The following FGF12 variants were observed in gnomAD, a reference collection of about 807,000 sequenced individuals.
FGF12 encodes the protein fibroblast growth factor 12.
In FGF12, 14 loss-of-function variants were observed where a neutral mutation model predicts 23.6. The observed-to-expected ratio is 0.59, with a 90% CI of 0.39 to 0.93. The LOEUF (loss-of-function observed/expected upper bound fraction) is 0.93, where lower values mean the gene tolerates loss of function less well. Among genes scored for constraint, FGF12 ranks in the 40% least tolerant of loss-of-function variants. FGF12 has a pLI of 0.00. For missense variants in FGF12, 175 were observed against 217.8 expected, an observed-to-expected ratio of 0.80 and a Z score of 1.24; for synonymous variants, 62 against 77.3, an observed-to-expected ratio of 0.80 and a Z score of 1.04.
chr3:192,325,817 TG>T (rs1352784285), intron 4 of FGF12, among the ~76,000 whole-genome samples: 3 of 152,138 alleles, frequency 2.0e-5, no homozygotes, highest in African/African-American at 7.2e-5. Context: ...AAGAAAAACA[TG>T]GCAATATCAG....
intron 2 of FGF12, among the ~76,000 whole-genome samples, chr3:192,613,703 T>A (rs1440187575): frequency 2.6e-5 from 4 of 152,020 alleles, no homozygotes; most frequent in African/African-American, 9.6e-5. Context: ...CAAAGGTGAA[T>A]GATCCTAGGT....
chr3:192,388,298 T>C (rs1050891103), intron 2 of FGF12, among the ~76,000 whole-genome samples: 9 of 152,174 alleles, frequency 5.9e-5, no homozygotes, highest in African/African-American at 2.2e-4. Context: ...CATAAGTGTC[T>C]ATAAAAATAA....
intron 5 of FGF12, among the ~76,000 whole-genome samples, chr3:192,161,183 C>T (rs1714849156): frequency 1.3e-5 from 2 of 152,108 alleles, no homozygotes; most frequent in East Asian, 1.9e-4. Context: ...TGACCCCTAA[C>T]CACCACCACC....
At chr3:192,721,532 CAAATCAGGAAACCCAATATT>C (rs1445755941) in intron 2 of FGF12, among the ~76,000 whole-genome samples, 1 of 152,052 alleles carries the variant, frequency 6.6e-6, no homozygotes, top group Non-Finnish European at 1.5e-5. Context: ...AAATATGTGA[CAAATCAGGAAACCCAATATT>C]AAGAGATGCA....
chr3:192,651,755 T>C (rs1716221897), intron 2 of FGF12, among the ~76,000 whole-genome samples: 1 of 152,200 alleles, frequency 6.6e-6, no homozygotes, highest in African/African-American at 2.4e-5. Context: ...AAAACACTCA[T>C]GTGTAATGCC....
chr3:192,332,110 C>T (rs1717156247), intron 4 of FGF12, among the ~76,000 whole-genome samples: 1 of 152,030 alleles, frequency 6.6e-6, no homozygotes, highest in Non-Finnish European at 1.5e-5. Flanking sequence ...TAACGATTAG[C>T]TATAACATAA....
At chr3:192,285,713 A>G (rs1457197763) in intron 4 of FGF12, among the ~76,000 whole-genome samples, 1 of 152,066 alleles carries the variant, frequency 6.6e-6, no homozygotes, top group Non-Finnish European at 1.5e-5. Context: ...TTTTAGGTCA[A>G]ACTAAAATTA....
chr3:192,620,723 A>G (rs2108647444), intron 2 of FGF12, among the ~76,000 whole-genome samples: 1 of 152,240 alleles, frequency 6.6e-6, no homozygotes, highest in South Asian at 2.1e-4. Flanking sequence ...TAAGATCAAA[A>G]TGTCTGAACT....
At chr3:192,398,611 A>C (rs1158923174) in intron 2 of FGF12, among the ~76,000 whole-genome samples, 1 of 152,022 alleles carries the variant, frequency 6.6e-6, no homozygotes, top group Non-Finnish European at 1.5e-5. Flanking sequence ...CGAACTCCTA[A>C]CCTCAAGTGA....
chr3:192,601,876 CAAAA>C (rs1560165664), intron 2 of FGF12, among the ~76,000 whole-genome samples: 1 of 151,960 alleles, frequency 6.6e-6, no homozygotes, highest in African/African-American at 2.4e-5. Flanking sequence ...ATAAGGAAAA[CAAAA>C]GAAGTCTGTA....
intron 2 of FGF12, among the ~76,000 whole-genome samples, chr3:192,502,384 T>A (rs1485356968): frequency 2.0e-5 from 3 of 152,194 alleles, no homozygotes; most frequent in Non-Finnish European, 4.4e-5. Context: ...AACGTCTTAT[T>A]TTTCCTAAAA....
intron 2 of FGF12, among the ~76,000 whole-genome samples, chr3:192,697,527 G>C (rs1025351863): frequency 1.3e-5 from 2 of 152,174 alleles, no homozygotes; most frequent in African/African-American, 4.8e-5. Context: ...CAACCTGGCA[G>C]AAGGCTCAAA....
chr3:192,261,150 G>A (rs1712724430), intron 4 of FGF12, among the ~76,000 whole-genome samples: 1 of 152,120 alleles, frequency 6.6e-6, no homozygotes, highest in African/African-American at 2.4e-5. Flanking sequence ...GGAACTGCAG[G>A]TGAGAGAATC....
At chr3:192,236,218 GA>G (rs1278340953) in intron 4 of FGF12, among the ~76,000 whole-genome samples, 1 of 138,060 alleles carries the variant, frequency 7.2e-6, no homozygotes, top group African/African-American at 2.8e-5. Context: ...TGTGTTCTGA[GA>G]GTGTAGCTTG....
chr3:192,274,375 C>G lies in FGF12; in HGVS notation c.228+60986G>C, dbSNP rs73887269. Reference sequence around the variant, plus strand: ...AGTAAGCCATACCAAAAATAAATAACAGAGAAAGTACTTCAAAAATTCCAT... The same window carrying G: ...AGTAAGCCATACCAAAAATAAATAAGAGAGAAAGTACTTCAAAAATTCCAT... On this transcript the variant is annotated intron_variant, in intron 4 of 5. Transcript: ENST00000445105. Among the ~76,000 whole-genome samples, 332 of 152,150 alleles carry G rather than the reference C, an allele frequency of 2.2e-3. 2 individuals carry two copies. Among genetic ancestry groups the G allele is most frequent in the African/African-American group, 5.4e-3 (226 of 41,508 alleles).
intron 2 of FGF12, among the ~76,000 whole-genome samples, chr3:192,469,874 T>C (rs1723120267): frequency 1.3e-5 from 2 of 152,192 alleles, no homozygotes; most frequent in Non-Finnish European, 2.9e-5. Context: ...ATAATACCAC[T>C]TATGTAAATT....
intron 2 of FGF12, among the ~76,000 whole-genome samples, chr3:192,714,422 T>C (rs574560944): frequency 3.9e-5 from 6 of 152,220 alleles, no homozygotes; most frequent in Admixed American, 3.9e-4. Flanking sequence ...AAAATTCATA[T>C]AGCACAGTTG....
intron 2 of FGF12, among the ~76,000 whole-genome samples, chr3:192,623,254 G>T (rs556927875): frequency 2.0e-5 from 3 of 152,314 alleles, no homozygotes; most frequent in South Asian, 4.1e-4. Context: ...ACAGAGGGGG[G>T]TATCATCTTT....
At chr3:192,687,448 G>A (rs1350957610) in intron 2 of FGF12, among the ~76,000 whole-genome samples, 3 of 152,088 alleles carry the variant, frequency 2.0e-5, no homozygotes, top group Non-Finnish European at 4.4e-5. Context: ...GACTCTGCCT[G>A]GTAGGTGGGA....
Sources: allele counts gnomAD v4.1 joint callset (sites outside exome capture counted in the v4.1 genomes callset), GRCh38; gene constraint gnomAD v4.1.1; transcripts MANE v1.5; gene names NCBI Gene and HGNC (gene_info 2026-07-23, HGNC 2026-07-21).